AGO3: variants seen among roughly 807,000 people sequenced by gnomAD.
AGO3 encodes argonaute RISC catalytic component 3, also known as protein argonaute-3.
A neutral mutation model predicts 105.5 loss-of-function variants in AGO3; 16 were observed. The ratio of observed to expected loss-of-function variants is 0.15; its 90% CI spans 0.10 to 0.23. The LOEUF is 0.23. Ranked by LOEUF, AGO3 falls within the 10% of genes least tolerant of loss-of-function variation. The probability of loss-of-function intolerance (pLI) is 1.00; values close to 1 mark genes in which losing one functional copy is unlikely to be tolerated. For missense variants in AGO3, 534 were observed against 1,088.0 expected (o/e 0.49, Z 7.16); for synonymous variants, 340 against 367.3 (o/e 0.93, Z 0.85).
chr1:36,021,151 C>T (rs1324343929), intron 11 of AGO3, among the ~76,000 whole-genome samples: 1 of 152,044 alleles, frequency 6.6e-6, no homozygotes, highest in East Asian at 1.9e-4. Flanking sequence ...CCAGGCTGGT[C>T]TCGAACTCCT....
chr1:36,034,250 A>G lies in AGO3; in HGVS notation c.1668A>G (p.Thr556=), dbSNP rs1461780402. 1 of 1,611,394 alleles carries G rather than the reference A, an allele frequency of 6.2e-7. No homozygotes were observed. The highest frequency in any genetic ancestry group is 1.7e-5 in the Admixed American group (1 of 59,576). Residue 556 remains threonine (T), a synonymous_variant, in exon 13 of 19, where the codon ACA becomes ACG. Coordinates refer to ENST00000373191, the MANE Select transcript of AGO3 (RefSeq NM_024852.4). ...TTCAAGTCAAGAATGTAATAAAAAC[A>G]TCTCCTCAAACTCTGTCAAACTTGT... is the stretch of plus-strand genomic sequence containing the variant. The part of the protein sequence containing the change: ...QCVQVKNVIK[T]SPQTLSNLCL...
At chr1:35,930,863 C>A (rs532830469), upstream of AGO3, 5 of 218,416 alleles carry the variant, frequency 2.3e-5, no homozygotes, top group East Asian at 3.1e-4. Context: ...GCACCGCCCC[C>A]ACTCGTGCGG....
intron 6 of AGO3, among the ~76,000 whole-genome samples, chr1:36,006,566 G>A (rs1483977929): frequency 6.6e-6 from 1 of 151,940 alleles, no homozygotes; most frequent in Non-Finnish European, 1.5e-5. Flanking sequence ...CTTTTCTATT[G>A]TGTTCTCCCC....
chr1:36,003,817 T>C (rs1640222062), intron 5 of AGO3, among the ~76,000 whole-genome samples: 1 of 149,954 alleles, frequency 6.7e-6, no homozygotes, highest in African/African-American at 2.5e-5. Context: ...GGGAAAACTC[T>C]CTTTAGAATA....
chr1:35,952,253 TCTC>T (rs997063185), intron 2 of AGO3, among the ~76,000 whole-genome samples: 1 of 150,554 alleles, frequency 6.6e-6, no homozygotes, highest in African/African-American at 2.5e-5. Flanking sequence ...TTCAAGCAGT[TCTC>T]CTCAGCCTCC....
Position 35,943,608 on chromosome 1 carries a change from T to C in AGO3, c.20-2084T>C, listed in dbSNP as rs1185327930. Among the ~76,000 whole-genome samples the C allele has an allele frequency of 2.0e-5, 3 of 148,828 alleles. No homozygotes were observed. The East Asian group carries it at 5.9e-4, about 29-fold the overall frequency. On this transcript the variant is annotated intron_variant, in intron 1 of 18. Coordinates refer to ENST00000373191, the MANE Select transcript of AGO3 (RefSeq NM_024852.4). The stretch of plus-strand genomic sequence containing the variant: ...GAGCCACCACCCCCAGCCCTTTTTT[T>C]TTTTTTTTTTTAAGTAAAAGGGTCT...
intron 5 of AGO3, 53 bp downstream of exon 5, chr1:35,973,564 T>G (rs1467019643): frequency 1.2e-5 from 17 of 1,377,734 alleles, no homozygotes; most frequent in South Asian, 2.1e-5. Flanking sequence ...CTGTATGATG[T>G]GTGTACATAA....
intron 5 of AGO3, among the ~76,000 whole-genome samples, chr1:35,990,418 G>C (rs1249805380): frequency 6.6e-6 from 1 of 152,184 alleles, no homozygotes; most frequent in African/African-American, 2.4e-5. Flanking sequence ...TGAGGCAGGA[G>C]AATGGCGTGA....
At position 36,040,191 on chromosome 1, in the gene AGO3, T is replaced by C. The variant is rs1228084683; in HGVS notation, c.2038-116T>C. ...TTCTAATAATCGTTAAAATGGAATC[T>C]ATTAGCTATAGAGTGGTGAAATTAA... On this transcript the variant is annotated intron_variant, in intron 15 of 18. Coordinates refer to ENST00000373191, the MANE Select transcript of AGO3 (RefSeq NM_024852.4). The C allele has an allele frequency of 2.4e-6, 3 of 1,234,158 alleles. No individual in the cohort carries two copies. In the African/African-American group the frequency reaches 4.6e-5, roughly 19 times the overall value. The allele number at this position is 1,234,158 out of a possible 1,614,324, so 76.5% of individuals were successfully genotyped here. A position where few individuals can be genotyped will look rare whatever the true frequency, so the allele number is the denominator to read the frequency against.
At chr1:35,982,603 A>G (rs1329710451) in intron 5 of AGO3, 2 of 717,430 alleles carry the variant, frequency 2.8e-6, no homozygotes, top group African/African-American at 3.5e-5. Context: ...TAGTGACATG[A>G]TCATATTTGT....
At chr1:35,999,210 T>A (rs1233110418) in intron 5 of AGO3, among the ~76,000 whole-genome samples, 1 of 152,028 alleles carries the variant, frequency 6.6e-6, no homozygotes, top group African/African-American at 2.4e-5. Flanking sequence ...AAAAATTAGC[T>A]GAGCGTGTAA....
At chr1:35,951,973 A>G (rs1011498179) in intron 2 of AGO3, among the ~76,000 whole-genome samples, 7 of 152,160 alleles carry the variant, frequency 4.6e-5, no homozygotes, top group Admixed American at 6.5e-5. Flanking sequence ...CGTCACTTCA[A>G]TGTAATTTTA....
At chr1:35,962,120 G>T (rs1646687411) in intron 2 of AGO3, among the ~76,000 whole-genome samples, 1 of 152,064 alleles carries the variant, frequency 6.6e-6, no homozygotes, top group Non-Finnish European at 1.5e-5. Flanking sequence ...ACTATATGTA[G>T]GGCACTAGAT....
At chr1:35,968,730 C>T (rs753037570) in intron 3 of AGO3, among the ~76,000 whole-genome samples, 1 of 152,112 alleles carries the variant, frequency 6.6e-6, no homozygotes, top group African/African-American at 2.4e-5. Flanking sequence ...ACTCTGCTTT[C>T]GGTTCTTTGG....
At chr1:35,986,715 G>T (rs1163897952) in intron 5 of AGO3, among the ~76,000 whole-genome samples, 1 of 151,684 alleles carries the variant, frequency 6.6e-6, no homozygotes, top group Non-Finnish European at 1.5e-5. Flanking sequence ...AAAAAAATGG[G>T]CTGGGCCTAG....
At chr1:35,960,504 A>G (rs1019757167) in intron 2 of AGO3, among the ~76,000 whole-genome samples, 1 of 151,982 alleles carries the variant, frequency 6.6e-6, no homozygotes, top group Non-Finnish European at 1.5e-5. Flanking sequence ...TTTTTTCGCT[A>G]AAATTCTAAA....
intron 1 of AGO3, among the ~76,000 whole-genome samples, chr1:35,944,912 C>T (rs1346466826): frequency 6.6e-6 from 1 of 152,154 alleles, no homozygotes; most frequent in Non-Finnish European, 1.5e-5. Flanking sequence ...AAGCCATTCT[C>T]CCACCTCAGC....
chr1:36,026,384 A>G lies in AGO3; in HGVS notation c.1407-730A>G, dbSNP rs542236130. Among the ~76,000 whole-genome samples, 10 of 152,256 alleles carry G rather than the reference A, an allele frequency of 6.6e-5. No homozygotes were observed. The East Asian group carries it at 1.7e-3, about 26-fold the overall frequency. ...CAGCCTCCCAAATTGCTGGGATTAT[A>G]GGTGTGAGGCACTGCACCCAGCCTC... On this transcript the variant is annotated intron_variant, in intron 11 of 18. Transcript: ENST00000373191.
At chr1:35,991,722 G>A (rs528978885) in intron 5 of AGO3, among the ~76,000 whole-genome samples, 5 of 151,966 alleles carry the variant, frequency 3.3e-5, no homozygotes, top group African/African-American at 1.2e-4. Context: ...AAATTCACAC[G>A]TTTTATTTCC....
Sources: gnomAD v4.1 joint callset for allele counts (sites outside exome capture counted in the v4.1 genomes callset) on GRCh38, gnomAD v4.1.1 for gene constraint, MANE v1.5 for transcripts, NCBI Gene and HGNC (gene_info 2026-07-23, HGNC 2026-07-21) for gene names.